The following DYNLT5 variants were observed in gnomAD, a reference collection of about 807,000 sequenced individuals.
The protein encoded by DYNLT5 is dynein light chain Tctex-type 5.
DYNLT5 carries 25 observed loss-of-function variants against 19.3 expected under a neutral mutation model. The ratio of observed to expected loss-of-function variants is 1.30; its 90% confidence interval spans 0.95 to 1.81. DYNLT5 has a LOEUF of 1.81. Ranked by LOEUF, DYNLT5 falls within the 40% of genes most tolerant of loss-of-function variation. The pLI is 0.00. For synonymous variants in DYNLT5, 82 were observed against 68.9 expected, an observed-to-expected ratio of 1.19 and a Z score of -0.94; for missense variants, 232 against 217.9, an observed-to-expected ratio of 1.06 and a Z score of -0.41.
At chr1:66,761,297 G>A (rs960409034) in intron 2 of DYNLT5, among the ~76,000 whole-genome samples, 8 of 152,124 alleles carry the variant, frequency 5.3e-5, no homozygotes, top group Non-Finnish European at 1.2e-4. Context: ...GTATTCAATA[G>A]CATTTTATCT....
chr1:66,776,610 T>C (rs1276750777), intron 4 of DYNLT5, among the ~76,000 whole-genome samples: 2 of 152,034 alleles, frequency 1.3e-5, no homozygotes, highest in African/African-American at 4.8e-5. Flanking sequence ...AAAACAATCA[T>C]GAGCATCATT....
At chr1:66,765,779 G>T (rs1234264969) in intron 2 of DYNLT5, among the ~76,000 whole-genome samples, 2 of 151,960 alleles carry the variant, frequency 1.3e-5, no homozygotes, top group Middle Eastern at 3.2e-3. Context: ...GGGACTACAG[G>T]CTCTAACTTC....
rs1645254750 is a variant in DYNLT5 at position 66,779,042 on chromosome 1, C to T, written c.*1588C>T. 6.6e-6 allele frequency among the ~76,000 whole-genome samples: 1 copy of T among 152,166 alleles called. No individual in the cohort carries two copies. The highest frequency in any genetic ancestry group is 1.9e-4 in the East Asian group (1 of 5,194). ...AATGAAAATGAAGAAACTTCTTTAA[C>T]ATATACAAAGTCTATTGTAACAATG... is the stretch of plus-strand genomic sequence containing the variant. On this transcript the variant is annotated 3_prime_UTR_variant, in exon 5 of 5. Transcript: ENST00000282670.
At chr1:66,757,821 T>A (rs116142172) in intron 2 of DYNLT5, among the ~76,000 whole-genome samples, 26 of 152,280 alleles carry the variant, frequency 1.7e-4, no homozygotes, top group Admixed American at 1.6e-3. Context: ...TTGCAGCATG[T>A]AAAAATAACA....
At chr1:66,769,795 G>A (rs954264790) in intron 2 of DYNLT5, among the ~76,000 whole-genome samples, 2 of 152,060 alleles carry the variant, frequency 1.3e-5, no homozygotes, top group Non-Finnish European at 2.9e-5. Context: ...ACCCTTTTTC[G>A]ATGTTGAAAA....
At chr1:66,756,734 A>G (rs2094636644) in intron 2 of DYNLT5, among the ~76,000 whole-genome samples, 1 of 152,176 alleles carries the variant, frequency 6.6e-6, no homozygotes, top group Non-Finnish European at 1.5e-5. Flanking sequence ...AATCCTGACT[A>G]TGAGATACAA....
chr1:66,771,868 A>G (rs1645206168), intron 3 of DYNLT5, among the ~76,000 whole-genome samples: 1 of 152,214 alleles, frequency 6.6e-6, no homozygotes, highest in Non-Finnish European at 1.5e-5. Flanking sequence ...TTTCTCAAAT[A>G]AAGCATCTTA....
intron 2 of DYNLT5, among the ~76,000 whole-genome samples, chr1:66,756,646 C>A (rs1348098027): frequency 6.6e-6 from 1 of 152,206 alleles, no homozygotes; most frequent in Non-Finnish European, 1.5e-5. Context: ...AGGTAGGCAT[C>A]ATTTCTACCA....
Position 66,756,931 on chromosome 1 carries a change from C to A in DYNLT5, c.119+2154C>A, listed in dbSNP as rs576575226. On this transcript the variant is annotated intron_variant, in intron 2 of 4. Transcript: ENST00000282670. ...TGCTCTTCTTACACTATTCCCCTGG[C>A]TTTCTTCACTTCTTCCATCAGAATT... is the stretch of plus-strand genomic sequence containing the variant. Among the ~76,000 whole-genome samples, 7 of 152,344 alleles carry A rather than the reference C, an allele frequency of 4.6e-5. No individual in the cohort carries two copies. The South Asian group carries it at 6.2e-4, about 14-fold the overall frequency.
At chr1:66,763,668 C>A (rs1402629688) in intron 2 of DYNLT5, among the ~76,000 whole-genome samples, 1 of 152,310 alleles carries the variant, frequency 6.6e-6, no homozygotes, top group East Asian at 1.9e-4. Flanking sequence ...CATGAACAAA[C>A]CTCTGCTAGT....
intron 2 of DYNLT5, among the ~76,000 whole-genome samples, chr1:66,768,999 A>C (rs1246666861): frequency 6.6e-6 from 1 of 152,208 alleles, no homozygotes; most frequent in Admixed American, 6.5e-5. Flanking sequence ...ATTTATGGGA[A>C]ATGTTTTACA....
intron 2 of DYNLT5, among the ~76,000 whole-genome samples, chr1:66,763,708 T>C (rs954174695): frequency 6.6e-6 from 1 of 152,180 alleles, no homozygotes; most frequent in African/African-American, 2.4e-5. Context: ...TTCCTCACTT[T>C]TCTTAGCCTT....
intron 2 of DYNLT5, among the ~76,000 whole-genome samples, chr1:66,756,642 G>A (rs1267373344): frequency 1.3e-5 from 2 of 152,148 alleles, no homozygotes; most frequent in Non-Finnish European, 2.9e-5. Flanking sequence ...TACTAGGTAG[G>A]CATCATTTCT....
chr1:66,760,455 G>A (rs572802038), intron 2 of DYNLT5, among the ~76,000 whole-genome samples: 1 of 152,118 alleles, frequency 6.6e-6, no homozygotes, highest in African/African-American at 2.4e-5. Flanking sequence ...TAGGTTCACA[G>A]GTCCATGCAT....
chr1:66,752,495 A>G lies in DYNLT5; in HGVS notation c.-93A>G. ...AGAGTGCGCGGGCGGCCGCCGGCTG[A>G]ATGAAGCCTGGGACGCGGGAGCCGC... On this transcript the variant is annotated 5_prime_UTR_variant, in exon 1 of 5. Coordinates refer to ENST00000282670, the MANE Select transcript of DYNLT5 (RefSeq NM_152665.3). 1.0e-6 allele frequency: 1 copy of G among 985,520 alleles called. No individual in the cohort carries two copies. Among genetic ancestry groups the G allele is most frequent in the Non-Finnish European group, 1.2e-6 (1 of 830,028 alleles). The allele number at this position is 985,520 out of a possible 1,614,324, so 61.0% of individuals were successfully genotyped here. A position where few individuals can be genotyped will look rare whatever the true frequency, so the allele number is the denominator to read the frequency against.
chr1:66,777,404 A>G lies in DYNLT5; in HGVS notation c.490A>G (p.Asn164Asp). 6.2e-7 allele frequency: 1 copy of G among 1,613,884 alleles called. No homozygotes were observed. The highest frequency in any genetic ancestry group is 8.5e-7 in the Non-Finnish European group (1 of 1,179,858). Residue 164 changes from asparagine to aspartate, a missense_variant, in exon 5 of 5, where the codon AAT becomes GAT. Asn to Asp is a conservative substitution (Grantham distance 23). Transcript: ENST00000282670. Reference protein sequence around the residue: ...SDTFSSYVFRNSSLFALANVY... With the variant: ...SDTFSSYVFRDSSLFALANVY... ...TACCTTTTCATCTTATGTTTTCAGA[A>G]ATTCTTCTCTCTTCGCTCTTGCAAA...
intron 3 of DYNLT5, among the ~76,000 whole-genome samples, chr1:66,771,491 T>C (rs1645204318): frequency 6.6e-6 from 1 of 152,192 alleles, no homozygotes; most frequent in African/African-American, 2.4e-5. Flanking sequence ...ATCAAAGACT[T>C]TGAGATTAAA....
chr1:66,777,161 A>T, intron 4 of DYNLT5, 90 bp from the exon 5 acceptor site: 2 of 1,111,872 alleles, frequency 1.8e-6, no homozygotes, highest in Non-Finnish European at 2.6e-6. Context: ...TCATGCTATT[A>T]AATTAAATCC....
At chr1:66,765,722 G>A (rs528613987) in intron 2 of DYNLT5, among the ~76,000 whole-genome samples, 6 of 149,030 alleles carry the variant, frequency 4.0e-5, no homozygotes, top group Admixed American at 1.4e-4. Flanking sequence ...TGCAACCTCC[G>A]CCTCCCAGGT....
Sources: allele counts gnomAD v4.1 joint callset (sites outside exome capture counted in the v4.1 genomes callset), GRCh38; gene constraint gnomAD v4.1.1; transcripts MANE v1.5; gene names NCBI Gene and HGNC (gene_info 2026-07-23, HGNC 2026-07-21).